The following APBB1 variants were observed in gnomAD, a reference collection of about 807,000 sequenced individuals.
APBB1 encodes the protein adaptor protein FE65a2.
Under a neutral mutation model 78.4 loss-of-function variants are expected in APBB1, and 22 were observed. The ratio of observed to expected loss-of-function variants is 0.28; its 90% CI spans 0.20 to 0.40. The LOEUF (loss-of-function observed/expected upper bound fraction) is 0.40, where lower values mean the gene tolerates loss of function less well. APBB1 is among the 10% of genes least tolerant of loss of function. The pLI is 1.00. For synonymous variants in APBB1, 369 were observed against 372.7 expected, an observed-to-expected ratio of 0.99 and a Z score of 0.12; for missense variants, 749 against 932.4, an observed-to-expected ratio of 0.80 and a Z score of 2.56.
intron 1 of APBB1, among the ~76,000 whole-genome samples, chr11:6,414,132 A>C (rs1352179433): frequency 6.6e-6 from 1 of 150,832 alleles, no homozygotes; most frequent in Non-Finnish European, 1.5e-5. Flanking sequence ...TCCCCTCCCC[A>C]CCTCCCGCCT....
intron 2 of APBB1, among the ~76,000 whole-genome samples, chr11:6,407,270 C>A (rs770059602): frequency 4.9e-4 from 75 of 152,258 alleles, no homozygotes; most frequent in Non-Finnish European, 7.2e-4. Flanking sequence ...CCTTGAGAAT[C>A]CTCTTGCCAC....
At chr11:6,405,051 C>T in intron 2 of APBB1, 1 of 1,413,698 alleles carries the variant, frequency 7.1e-7, no homozygotes, top group Non-Finnish European at 9.2e-7. Context: ...GAGACCCCAG[C>T]CCCTTCTGCT....
Position 6,403,872 on chromosome 11 carries a change from G to C in APBB1, c.722-50C>G, listed in dbSNP as rs747118501. 10 of 1,514,548 alleles carry C rather than the reference G, an allele frequency of 6.6e-6. No homozygotes were observed. Among genetic ancestry groups the C allele is most frequent in the Middle Eastern group, 1.8e-4 (1 of 5,470 alleles). The allele number at this position is 1,514,548 out of a possible 1,614,324, so 93.8% of individuals were successfully genotyped here. A position where few individuals can be genotyped will look rare whatever the true frequency, so the allele number is the denominator to read the frequency against. On this transcript the variant is annotated intron_variant, in intron 2 of 14. Transcript: ENST00000609360. The surrounding 1 kb of genome is among the most constrained non-coding windows in gnomAD (Gnocchi z 5.3). ...GGTCAGCCTACCCAAAGAGCAGACA[G>C]CTGGTGCCTATGCCCGGTCCCCTCT...
chr11:6,403,290 C>T lies in APBB1; in HGVS notation c.1040+29G>A, dbSNP rs767238147. The T allele has an allele frequency of 6.2e-7, 1 of 1,613,014 alleles. No individual in the cohort carries two copies. ...GCCCCTTCCAGACAGATCCATCCCACTGCCAGCTCACTGCATCTGGCAGCT... is the reference window on the plus strand; with the variant it reads ...GCCCCTTCCAGACAGATCCATCCCATTGCCAGCTCACTGCATCTGGCAGCT... On this transcript the variant is annotated intron_variant, in intron 5 of 14. Transcript: ENST00000609360. This position sits in a 1 kb window ranked among gnomAD's most constrained non-coding sequence, Gnocchi z 5.3.
intron 1 of APBB1, among the ~76,000 whole-genome samples, chr11:6,413,295 A>G (rs1375425413): frequency 6.6e-6 from 1 of 151,920 alleles, no homozygotes; most frequent in Non-Finnish European, 1.5e-5. Context: ...ATTCTCCCTC[A>G]CTGACCATCC....
At chr11:6,404,558 C>T (rs1242560060) in intron 2 of APBB1, 2 of 1,531,386 alleles carry the variant, frequency 1.3e-6, no homozygotes, top group Non-Finnish European at 1.7e-6. Flanking sequence ...CTTCCTGACC[C>T]TTGCTGCACA....
chr11:6,414,516 A>G (rs1849071886), intron 1 of APBB1, among the ~76,000 whole-genome samples: 1 of 152,160 alleles, frequency 6.6e-6, no homozygotes. Flanking sequence ...GGACAGACAC[A>G]GGGGGTGGGA....
chr11:6,395,777 G>A lies in APBB1; in HGVS notation c.1965+9C>T, dbSNP rs760336707. On this transcript the variant is annotated intron_variant, in intron 14 of 14. Coordinates refer to ENST00000609360, the MANE Select transcript of APBB1 (RefSeq NM_001164.5). This position sits in a 1 kb window ranked among gnomAD's most constrained non-coding sequence, Gnocchi z 5.2. ...ACGCCACCACCACACCACCCTACTAGTAGCTTACCATGCACGCAGCCTGCA... is the reference window on the plus strand; with the variant it reads ...ACGCCACCACCACACCACCCTACTAATAGCTTACCATGCACGCAGCCTGCA... 1.7e-6 allele frequency: 2 copies of A among 1,169,968 alleles called. No homozygotes were observed. The highest frequency in any genetic ancestry group is 2.3e-6 in the Non-Finnish European group (2 of 862,492). 72.5% of individuals were successfully genotyped at this position (1,169,968 alleles called of 1,614,324 possible). A position where few individuals can be genotyped will look rare whatever the true frequency, so the allele number is the denominator to read the frequency against.
chr11:6,401,493 C>T lies in APBB1; in HGVS notation c.1504-64G>A, dbSNP rs1272086839. 3 of 1,612,470 alleles carry T rather than the reference C, an allele frequency of 1.9e-6. No individual in the cohort carries two copies. The highest frequency in any genetic ancestry group is 2.5e-6 in the Non-Finnish European group (3 of 1,178,896). On this transcript the variant is annotated intron_variant, in intron 10 of 14. Transcript: ENST00000609360. The surrounding 1 kb of genome is among the most constrained non-coding windows in gnomAD (Gnocchi z 4.5). ...ATTAGAGCCTCATTGCCCTGGGGCC[C>T]CCCTACAGCACTCAGTGACCCCACC...
chr11:6,412,386 C>T (rs949654912), intron 1 of APBB1, among the ~76,000 whole-genome samples: 19 of 151,844 alleles, frequency 1.3e-4, no homozygotes, highest in South Asian at 4.1e-4. Flanking sequence ...CTCCTGACCT[C>T]GTGATCCGCC....
chr11:6,410,323 G>T (rs1314429732), intron 2 of APBB1, among the ~76,000 whole-genome samples: 4 of 152,132 alleles, frequency 2.6e-5, no homozygotes, highest in Non-Finnish European at 5.9e-5. Flanking sequence ...CAGCTTTATT[G>T]TAAGGATAAA....
At chr11:6,414,543 G>C (rs1395115532) in intron 1 of APBB1, among the ~76,000 whole-genome samples, 1 of 152,288 alleles carries the variant, frequency 6.6e-6, no homozygotes, top group Non-Finnish European at 1.5e-5. Flanking sequence ...AGGAAGCTCA[G>C]AACTGGCTGG....
intron 1 of APBB1, among the ~76,000 whole-genome samples, chr11:6,416,066 G>T (rs1564949192): frequency 6.6e-6 from 1 of 152,020 alleles, no homozygotes; most frequent in Non-Finnish European, 1.5e-5. Flanking sequence ...TCCTACCAAG[G>T]TCAACATGAC....
intron 1 of APBB1, among the ~76,000 whole-genome samples, chr11:6,413,305 C>T (rs888179872): frequency 2.0e-5 from 3 of 152,200 alleles, no homozygotes; most frequent in Non-Finnish European, 4.4e-5. Flanking sequence ...ACTGACCATC[C>T]CAACAAACAC....
Position 6,408,661 on chromosome 11 carries a change from C to T in APBB1, c.721+1966G>A, listed in dbSNP as rs913244772. ...CTGGGATTACAGGCGTTTGTAACCACGCCCAGCTAATTTTGTATTTTTAGT... is the reference window on the plus strand; with the variant it reads ...CTGGGATTACAGGCGTTTGTAACCATGCCCAGCTAATTTTGTATTTTTAGT... On this transcript the variant is annotated intron_variant, in intron 2 of 14. Coordinates refer to ENST00000609360, the MANE Select transcript of APBB1 (RefSeq NM_001164.5). Among the ~76,000 whole-genome samples, 7 of 152,200 alleles carry T rather than the reference C, an allele frequency of 4.6e-5. No homozygotes were observed. In the South Asian group the frequency reaches 6.2e-4, roughly 14 times the overall value.
At chr11:6,418,222 C>T (rs1025567042) in intron 1 of APBB1, among the ~76,000 whole-genome samples, 2 of 152,104 alleles carry the variant, frequency 1.3e-5, no homozygotes, top group Admixed American at 6.5e-5. Context: ...AGTTGACATA[C>T]CCCACCGAAT....
At position 6,400,863 on chromosome 11, in the gene APBB1, A is replaced by G. The variant is rs573047671; in HGVS notation, c.1672+126T>C. ...ACAGAAGTATGGGGAGGTGGGATGC[A>G]TTTTAAAGGGTAGGGAGACACCAAG... is the stretch of plus-strand genomic sequence containing the variant. On this transcript the variant is annotated intron_variant, in intron 12 of 14. Coordinates refer to ENST00000609360, the MANE Select transcript of APBB1 (RefSeq NM_001164.5). 5 of 904,046 alleles carry G rather than the reference A, an allele frequency of 5.5e-6. No individual in the cohort carries two copies. The South Asian group carries it at 6.7e-5, about 12-fold the overall frequency. 56.0% of individuals were successfully genotyped at this position (904,046 alleles called of 1,614,324 possible).
intron 1 of APBB1, among the ~76,000 whole-genome samples, chr11:6,412,154 CTGTT>C (rs1331082023): frequency 5.9e-5 from 9 of 152,130 alleles, no homozygotes; most frequent in Admixed American, 1.3e-4. Flanking sequence ...GGTTGTTTGT[CTGTT>C]TGTTTGTTTT....
intron 2 of APBB1, chr11:6,405,330 C>G (rs967644258): frequency 1.0e-6 from 1 of 987,164 alleles, no homozygotes; most frequent in Admixed American, 6.1e-5. Context: ...AGGTCCTGAG[C>G]CCCAGCAAGC....
Sources: gnomAD v4.1 joint callset for allele counts (sites outside exome capture counted in the v4.1 genomes callset) on GRCh38, gnomAD v4.1.1 for gene constraint, Gnocchi (gnomAD v3.1) non-coding constraint, MANE v1.5 for transcripts, NCBI Gene and HGNC (gene_info 2026-07-23, HGNC 2026-07-21) for gene names.